Variants in SYBU observed in about 807,000 individuals in gnomAD.
The protein encoded by SYBU is GOLSYN A protein.
SYBU carries 21 observed loss-of-function variants against 35.9 expected under a neutral mutation model. The ratio of observed to expected loss-of-function variants is 0.58; its 90% CI spans 0.41 to 0.84. SYBU has a LOEUF of 0.84. Ranked by LOEUF, SYBU falls within the 40% of genes least tolerant of loss-of-function variation. The pLI is 0.00. For missense variants in SYBU, 768 were observed against 848.2 expected (o/e 0.91, Z 1.17); for synonymous variants, 319 against 324.3 (o/e 0.98, Z 0.18).
chr8:109,575,226 C>T lies in SYBU; in HGVS notation c.1672G>A (p.Glu558Lys). ...PNSAILLSPV[E>K]TPYANVDAEV... ...GCATCCACATTGGCGTAGGGGGTCT[C>T]CACGGGAGACAAAAGGATGGCTGAG... The change falls in exon 7 of 7, where the codon GAG becomes AAG. Residue 558 changes from glutamate to lysine, a missense_variant. By Grantham distance (56) the Glu-to-Lys change is moderately conservative. Coordinates refer to ENST00000276646, the MANE Select transcript of SYBU (RefSeq NM_001099754.2). 1 of 1,614,200 alleles carries T rather than the reference C, an allele frequency of 6.2e-7. No homozygotes were observed. Among genetic ancestry groups the T allele is most frequent in the Non-Finnish European group, 8.5e-7 (1 of 1,180,042 alleles).
At chr8:109,619,115 C>T in intron 2 of SYBU, 76 bp from the exon 3 acceptor site, 1 of 1,093,020 alleles carries the variant, frequency 9.1e-7, no homozygotes, top group South Asian at 1.3e-5. Flanking sequence ...CGGTGCACCA[C>T]ACACACGCAC....
rs561200720 is a variant in SYBU at position 109,591,780 on chromosome 8, G to T, written c.428-5618C>A. On this transcript the variant is annotated intron_variant, in intron 3 of 6. Coordinates refer to ENST00000276646, the MANE Select transcript of SYBU (RefSeq NM_001099754.2). ...GCCCGCCTCGGCCTCCCAAAGTGCT[G>T]GGATTACAAGCGTGAGCCACCGCGC... Among the ~76,000 whole-genome samples the T allele has an allele frequency of 2.2e-3, 340 of 151,914 alleles. 1 individual carries two copies. The highest frequency in any genetic ancestry group is 3.8e-3 in the Non-Finnish European group (258 of 67,966).
chr8:109,644,939 C>G (rs1586936237), upstream of SYBU: 2 of 535,202 alleles, frequency 3.7e-6, no homozygotes, highest in Middle Eastern at 5.2e-4. Context: ...CGGGGCAACT[C>G]GACCGCGCCT....
chr8:109,645,126 T>G (rs7011702), upstream of SYBU: 27,831 of 460,674 alleles, frequency 0.06, 4,046 homozygotes, highest in African/African-American at 0.39. Flanking sequence ...AGGTTTGAAG[T>G]GGGTGGCGTT....
intron 3 of SYBU, among the ~76,000 whole-genome samples, chr8:109,616,515 G>A (rs908871700): frequency 1.3e-5 from 2 of 151,894 alleles, no homozygotes; most frequent in African/African-American, 2.4e-5. Flanking sequence ...TAATATTAAC[G>A]CTCATATAAA....
chr8:109,614,142 CTTAT>C (rs1486183106), intron 3 of SYBU, among the ~76,000 whole-genome samples: 5 of 152,206 alleles, frequency 3.3e-5, no homozygotes, highest in Non-Finnish European at 5.9e-5. Flanking sequence ...TCACTTTCTA[CTTAT>C]TTGTTTAAAT....
intron 1 of SYBU, among the ~76,000 whole-genome samples, chr8:109,663,305 A>ATAGG (rs1816640230): frequency 1.3e-5 from 2 of 148,776 alleles, no homozygotes; most frequent in African/African-American, 2.5e-5. Context: ...AGATAGGTAG[A>ATAGG]TAGATACCAA....
At chr8:109,652,003 T>C (rs144806709) in intron 1 of SYBU, among the ~76,000 whole-genome samples, 3 of 152,200 alleles carry the variant, frequency 2.0e-5, no homozygotes, top group Middle Eastern at 3.2e-3. Context: ...ATTCATTCAT[T>C]CATCCATCCA....
chr8:109,642,620 T>C, intron 2 of SYBU, 108 bp downstream of exon 2: 1 of 610,086 alleles, frequency 1.6e-6, no homozygotes, highest in Non-Finnish European at 2.6e-6. Context: ...TTCATCCTAA[T>C]AGTAGAAGTG....
intron 1 of SYBU, among the ~76,000 whole-genome samples, chr8:109,664,046 T>C (rs1227604184): frequency 1.3e-5 from 2 of 152,186 alleles, no homozygotes; most frequent in East Asian, 3.8e-4. Flanking sequence ...ATGCTAATTA[T>C]GATAATTTCT....
intron 3 of SYBU, among the ~76,000 whole-genome samples, chr8:109,615,329 G>A (rs561399494): frequency 6.6e-6 from 1 of 152,276 alleles, no homozygotes; most frequent in South Asian, 2.1e-4. Context: ...GGCTATGGAG[G>A]AGGCAGGACA....
intron 3 of SYBU, among the ~76,000 whole-genome samples, chr8:109,614,039 A>C (rs549714905): frequency 1.3e-5 from 2 of 152,224 alleles, no homozygotes; most frequent in African/African-American, 2.4e-5. Context: ...TTAACATTTC[A>C]GTTTCTAAAT....
At chr8:109,591,673 G>A (rs1229124018) in intron 3 of SYBU, among the ~76,000 whole-genome samples, 2 of 150,370 alleles carry the variant, frequency 1.3e-5, no homozygotes, top group Admixed American at 6.6e-5. Context: ...CACCACGCCC[G>A]GCTAATTTTT....
At chr8:109,649,741 C>T (rs937092283), upstream of SYBU, among the ~76,000 whole-genome samples, 11 of 152,010 alleles carry the variant, frequency 7.2e-5, no homozygotes, top group African/African-American at 1.9e-4. Flanking sequence ...AACATAGGCA[C>T]GGTGATTGCA....
chr8:109,646,005 C>G (rs1432336015), upstream of SYBU: 1 of 152,148 alleles, frequency 6.6e-6, no homozygotes, highest in Non-Finnish European at 1.5e-5. Flanking sequence ...TTGTTGATGC[C>G]TTTTACATGA....
intron 1 of SYBU, chr8:109,644,199 C>T (rs770381325): frequency 4.7e-5 from 22 of 466,228 alleles, no homozygotes; most frequent in Middle Eastern, 3.2e-4. Flanking sequence ...CTCGGATTCG[C>T]CCTGCACATC....
intron 2 of SYBU, among the ~76,000 whole-genome samples, chr8:109,634,271 C>T (rs1216074907): frequency 3.9e-5 from 6 of 152,100 alleles, no homozygotes; most frequent in African/African-American, 1.4e-4. Context: ...GGGGCATTTT[C>T]TGGTTTTCTT....
upstream of SYBU, among the ~76,000 whole-genome samples, chr8:109,681,794 G>T (rs1483712713): frequency 6.6e-6 from 1 of 152,126 alleles, no homozygotes; most frequent in East Asian, 1.9e-4. Context: ...ATCTCATCTT[G>T]AATTGTAGTT....
intron 1 of SYBU, among the ~76,000 whole-genome samples, chr8:109,659,815 C>T (rs1271696049): frequency 6.6e-6 from 1 of 151,990 alleles, no homozygotes; most frequent in Non-Finnish European, 1.5e-5. Context: ...TATATATTTA[C>T]TATTATTAAT....
Sources: gnomAD v4.1 joint callset for allele counts (sites outside exome capture counted in the v4.1 genomes callset) on GRCh38, gnomAD v4.1.1 for gene constraint, MANE v1.5 for transcripts, NCBI Gene and HGNC (gene_info 2026-07-23, HGNC 2026-07-21) for gene names.